Variants in PDZRN4 observed in about 807,000 individuals in gnomAD.
PDZRN4 encodes the protein PDZ domain containing ring finger 4.
Under a neutral mutation model 99.0 loss-of-function variants are expected in PDZRN4, and 70 were observed. That is an observed-to-expected ratio of 0.71 (90% CI 0.58 to 0.86). PDZRN4 has a LOEUF of 0.86. Among genes scored for constraint, PDZRN4 ranks in the 40% least tolerant of loss-of-function variants. The probability of loss-of-function intolerance (pLI) is 0.00; values close to 1 mark genes in which losing one functional copy is unlikely to be tolerated. For synonymous variants in PDZRN4, 551 were observed against 501.6 expected (o/e 1.10, Z -1.32); for missense variants, 1,474 against 1,331.2 (o/e 1.11, Z -1.67).
intron 3 of PDZRN4, among the ~76,000 whole-genome samples, chr12:41,476,389 G>T (rs1215356422): frequency 6.6e-6 from 1 of 152,154 alleles, no homozygotes; most frequent in Admixed American, 6.5e-5. Flanking sequence ...CATTTTTATT[G>T]TAAATTGTTA....
intron 3 of PDZRN4, among the ~76,000 whole-genome samples, chr12:41,225,265 A>T (rs952860600): frequency 6.6e-6 from 1 of 152,106 alleles, no homozygotes; most frequent in African/African-American, 2.4e-5. Flanking sequence ...GATAGCTGTA[A>T]TTTCAGTCTA....
intron 3 of PDZRN4, among the ~76,000 whole-genome samples, chr12:41,399,908 T>C (rs554485830): frequency 1.9e-4 from 29 of 151,984 alleles, no homozygotes; most frequent in African/African-American, 5.8e-4. Context: ...CTTGGCCTGA[T>C]AAAGGAGGCT....
At chr12:41,384,781 A>C (rs1446382613) in intron 3 of PDZRN4, among the ~76,000 whole-genome samples, 1 of 152,160 alleles carries the variant, frequency 6.6e-6, no homozygotes, top group Non-Finnish European at 1.5e-5. Context: ...GCCCTGGGTG[A>C]GACTCAATTT....
At chr12:41,415,681 A>G (rs760513499) in intron 3 of PDZRN4, among the ~76,000 whole-genome samples, 92 of 152,294 alleles carry the variant, frequency 6.0e-4, no homozygotes, top group Non-Finnish European at 1.1e-3. Flanking sequence ...ATGGTAGATA[A>G]AACATAATTA....
intron 3 of PDZRN4, among the ~76,000 whole-genome samples, chr12:41,485,896 T>C (rs1247359935): frequency 6.6e-6 from 1 of 152,176 alleles, no homozygotes; most frequent in Non-Finnish European, 1.5e-5. Context: ...CCTAAAGGTA[T>C]GCTGTTAAAT....
At chr12:41,280,429 C>T (rs1951375958) in intron 3 of PDZRN4, among the ~76,000 whole-genome samples, 1 of 152,152 alleles carries the variant, frequency 6.6e-6, no homozygotes, top group South Asian at 2.1e-4. Flanking sequence ...CAGCGGATCC[C>T]ACCCCCATGG....
intron 9 of PDZRN4, among the ~76,000 whole-genome samples, chr12:41,572,157 C>A (rs779344374): frequency 6.6e-6 from 1 of 152,154 alleles, no homozygotes; most frequent in South Asian, 2.1e-4. Context: ...CATATTCAAG[C>A]GGGTTTTGTT....
rs373528318 is a variant in PDZRN4, at chr12:41,229,965, G to A, written c.843+35777G>A. On this transcript the variant is annotated intron_variant, in intron 3 of 9. Transcript: ENST00000402685. ...TGGTTTTTCCCAAGTTTCCACAAGC[G>A]GCTTTTGTCAGAGCTGGTTCATGAC... Among the ~76,000 whole-genome samples the A allele has an allele frequency of 4.1e-4, 63 of 152,074 alleles. 1 individual carries two copies. The South Asian group carries it at 6.9e-3, about 17-fold the overall frequency.
At chr12:41,348,110 T>C (rs1951867773) in intron 3 of PDZRN4, among the ~76,000 whole-genome samples, 1 of 152,174 alleles carries the variant, frequency 6.6e-6, no homozygotes, top group South Asian at 2.1e-4. Flanking sequence ...TATTCATGAT[T>C]TTTATCTTAA....
At chr12:41,352,960 G>A (rs949888876) in intron 3 of PDZRN4, among the ~76,000 whole-genome samples, 3 of 152,090 alleles carry the variant, frequency 2.0e-5, no homozygotes, top group Non-Finnish European at 4.4e-5. Flanking sequence ...TAGAAGAGAT[G>A]AATAACACTG....
chr12:41,242,248 C>G lies in PDZRN4; in HGVS notation c.843+48060C>G, dbSNP rs559592561. Among the ~76,000 whole-genome samples, 48 of 152,282 alleles carry G rather than the reference C, an allele frequency of 3.2e-4. 1 individual carries two copies. Among genetic ancestry groups the G allele is most frequent in the Non-Finnish European group, 2.8e-4 (19 of 68,022 alleles). ...ACCCTATTGAAAAGAAGATGTCATA[C>G]TGATACCTACTTTCTAGTCTGTTTT... On this transcript the variant is annotated intron_variant, in intron 3 of 9. Transcript: ENST00000402685.
chr12:41,329,546 T>G (rs1447693856), intron 3 of PDZRN4, among the ~76,000 whole-genome samples: 1 of 152,162 alleles, frequency 6.6e-6, no homozygotes, highest in Non-Finnish European at 1.5e-5. Flanking sequence ...TCAAGTCAGT[T>G]CAGCATATTG....
At chr12:41,443,327 G>A (rs80167174) in intron 3 of PDZRN4, among the ~76,000 whole-genome samples, 2 of 151,998 alleles carry the variant, frequency 1.3e-5, no homozygotes, top group African/African-American at 2.4e-5. Context: ...ATGATGAAAG[G>A]GTTTTTAAAA....
chr12:41,297,365 C>A (rs1229730729), intron 3 of PDZRN4, among the ~76,000 whole-genome samples: 3 of 152,130 alleles, frequency 2.0e-5, no homozygotes, highest in Non-Finnish European at 4.4e-5. Flanking sequence ...CAAATGAAAT[C>A]TTTAACCCAG....
chr12:41,260,681 G>T (rs1272555754), intron 3 of PDZRN4, among the ~76,000 whole-genome samples: 1 of 151,974 alleles, frequency 6.6e-6, no homozygotes, highest in Non-Finnish European at 1.5e-5. Context: ...TTAACTGATG[G>T]TCTGTTGTGC....
At chr12:41,423,645 A>G (rs1350090183) in intron 3 of PDZRN4, among the ~76,000 whole-genome samples, 2 of 152,058 alleles carry the variant, frequency 1.3e-5, no homozygotes, top group African/African-American at 2.4e-5. Context: ...TGTTAATTCC[A>G]TATTCCTGAG....
At chr12:41,199,643 T>C (rs938052702) in intron 3 of PDZRN4, among the ~76,000 whole-genome samples, 4 of 152,138 alleles carry the variant, frequency 2.6e-5, no homozygotes, top group Non-Finnish European at 4.4e-5. Flanking sequence ...AAAGAAAACA[T>C]GGTGTGCCTA....
At chr12:41,205,668 T>C (rs1476903520) in intron 3 of PDZRN4, among the ~76,000 whole-genome samples, 1 of 151,940 alleles carries the variant, frequency 6.6e-6, no homozygotes, top group Non-Finnish European at 1.5e-5. Context: ...GTTTAAACTC[T>C]AATCCCACGT....
intron 5 of PDZRN4, among the ~76,000 whole-genome samples, chr12:41,546,768 C>T (rs1342058262): frequency 3.9e-5 from 6 of 152,088 alleles, no homozygotes; most frequent in East Asian, 1.9e-4. Flanking sequence ...CGAGCTCTAG[C>T]GAGAGAACAA....
Sources: gnomAD v4.1 joint callset for allele counts (sites outside exome capture counted in the v4.1 genomes callset) on GRCh38, gnomAD v4.1.1 for gene constraint, MANE v1.5 for transcripts, NCBI Gene and HGNC (gene_info 2026-07-23, HGNC 2026-07-21) for gene names.